The following ATE1 variants were observed in gnomAD, a reference collection of about 807,000 sequenced individuals.
ATE1 encodes the protein arginyltransferase 1, also known as arginyl-tRNA--protein transferase 1.
In ATE1, 36 loss-of-function variants were observed where a neutral mutation model predicts 70.5. The observed-to-expected ratio is 0.51, with a 90% CI of 0.39 to 0.67. ATE1 has a LOEUF of 0.67. ATE1 is among the 30% of genes least tolerant of loss of function. ATE1 has a pLI of 0.00. For missense variants in ATE1, 593 were observed against 629.5 expected (o/e 0.94, Z 0.62); for synonymous variants, 232 against 219.3 (o/e 1.06, Z -0.51).
intron 11 of ATE1, among the ~76,000 whole-genome samples, chr10:121,785,652 C>G (rs1946174552): frequency 6.6e-6 from 1 of 152,150 alleles, no homozygotes; most frequent in African/African-American, 2.4e-5. Context: ...AGATTAGAAC[C>G]TCAGAGTTTC....
At chr10:121,893,423 T>C (rs910481796) in intron 7 of ATE1, among the ~76,000 whole-genome samples, 7 of 152,132 alleles carry the variant, frequency 4.6e-5, no homozygotes, top group African/African-American at 1.7e-4. Context: ...TTTGAATCCA[T>C]AGAACAAATG....
At chr10:121,755,953 C>T (rs938623954) in intron 11 of ATE1, among the ~76,000 whole-genome samples, 25 of 152,136 alleles carry the variant, frequency 1.6e-4, no homozygotes, top group African/African-American at 6.0e-4. Flanking sequence ...CAACAGTCCC[C>T]CAACATCTCA....
intron 11 of ATE1, among the ~76,000 whole-genome samples, chr10:121,754,959 T>G (rs555401082): frequency 6.6e-6 from 1 of 152,160 alleles, no homozygotes; most frequent in South Asian, 2.1e-4. Context: ...AAAGAAATAC[T>G]TGATGAACAC....
Position 121,743,591 on chromosome 10 carries a change from G to A in ATE1, c.*89C>T, listed in dbSNP as rs1944216467. On this transcript the variant is annotated 3_prime_UTR_variant, in exon 12 of 12. Coordinates refer to ENST00000224652, the MANE Select transcript of ATE1 (RefSeq NM_001001976.3). The stretch of plus-strand genomic sequence containing the variant: ...ATAAAAAATGTCTAATTTGTGGGTG[G>A]TGACAGTTATTTCCCCACAGGTACT... 1.6e-5 allele frequency: 22 copies of A among 1,409,562 alleles called. No homozygotes were observed. Among genetic ancestry groups the A allele is most frequent in the Non-Finnish European group, 2.0e-5 (22 of 1,084,066 alleles). The allele number at this position is 1,409,562 out of a possible 1,614,324, so 87.3% of individuals were successfully genotyped here. A position where few individuals can be genotyped will look rare whatever the true frequency, so the allele number is the denominator to read the frequency against.
In ATE1 at chr10:121,892,385, G is replaced by A. The variant is rs1489008771; in HGVS notation, c.942+7481C>T. Among the ~76,000 whole-genome samples the A allele has an allele frequency of 2.6e-5, 4 of 152,154 alleles. No individual in the cohort carries two copies. The South Asian group carries it at 6.2e-4, about 24-fold the overall frequency. ...GTCATTCAAAGAGAGCACAAGAGTG[G>A]CAGAAAGATTTGGGGGAGAAGGGAG... On this transcript the variant is annotated intron_variant, in intron 7 of 11. Transcript: ENST00000224652.
intron 11 of ATE1, among the ~76,000 whole-genome samples, chr10:121,770,197 C>T (rs1178875874): frequency 7.1e-6 from 1 of 141,320 alleles, no homozygotes; most frequent in African/African-American, 2.6e-5. Flanking sequence ...AAGGCATGAA[C>T]TACTGATACA....
chr10:121,873,417 C>T (rs1270284212), intron 7 of ATE1, among the ~76,000 whole-genome samples: 1 of 152,106 alleles, frequency 6.6e-6, no homozygotes, highest in Non-Finnish European at 1.5e-5. Flanking sequence ...TTCTCATTTA[C>T]CAAGCCTGGT....
chr10:121,842,228 C>CA (rs1948657639), intron 8 of ATE1, among the ~76,000 whole-genome samples: 1 of 152,104 alleles, frequency 6.6e-6, no homozygotes, highest in African/African-American at 2.4e-5. Context: ...AGAATATAAC[C>CA]ATCTTCCTGT....
intron 11 of ATE1, among the ~76,000 whole-genome samples, chr10:121,777,268 T>C (rs1945787072): frequency 6.6e-6 from 1 of 152,218 alleles, no homozygotes; most frequent in Non-Finnish European, 1.5e-5. Flanking sequence ...TATACAGCAA[T>C]GGTCAAGTAT....
chr10:121,744,706 T>C (rs1200137096), intron 11 of ATE1, among the ~76,000 whole-genome samples: 1 of 152,196 alleles, frequency 6.6e-6, no homozygotes, highest in Admixed American at 6.5e-5. Context: ...TGGCTGCCAC[T>C]ATCTGTCCTT....
intron 1 of ATE1, chr10:121,926,646 CTT>C (rs1464636425): frequency 1.1e-5 from 9 of 842,746 alleles, no homozygotes; most frequent in Admixed American, 1.2e-4. Flanking sequence ...TTTAATGTAA[CTT>C]ATTGATTTGA....
At chr10:121,836,586 G>A (rs1948441294) in intron 10 of ATE1, 132 bp downstream of exon 10, 2 of 554,136 alleles carry the variant, frequency 3.6e-6, no homozygotes, top group Admixed American at 3.8e-5. Flanking sequence ...AATTTCTGAG[G>A]CAGCAAAGAG....
At chr10:121,831,267 C>T (rs1383053637) in intron 10 of ATE1, among the ~76,000 whole-genome samples, 1 of 152,202 alleles carries the variant, frequency 6.6e-6, no homozygotes, top group African/African-American at 2.4e-5. Flanking sequence ...GCACTACACA[C>T]ATACGTTTAT....
chr10:121,810,550 G>A (rs564527283), intron 10 of ATE1, among the ~76,000 whole-genome samples: 2 of 152,174 alleles, frequency 1.3e-5, no homozygotes, highest in East Asian at 1.9e-4. Flanking sequence ...GATTACAGGC[G>A]TGAGACACCG....
intron 10 of ATE1, among the ~76,000 whole-genome samples, chr10:121,805,254 TAAAC>T (rs992015643): frequency 9.2e-5 from 14 of 152,212 alleles, no homozygotes; most frequent in East Asian, 1.9e-4. Flanking sequence ...AATAAAATAA[TAAAC>T]AAACGTTTAA....
chr10:121,757,060 T>G (rs1944835718), intron 11 of ATE1, among the ~76,000 whole-genome samples: 1 of 152,186 alleles, frequency 6.6e-6, no homozygotes. Flanking sequence ...AGCACCCAAG[T>G]CACCTCTTCA....
chr10:121,795,216 C>T (rs1289633814), intron 10 of ATE1, among the ~76,000 whole-genome samples: 1 of 152,076 alleles, frequency 6.6e-6, no homozygotes, highest in Non-Finnish European at 1.5e-5. Context: ...CCTCTGCACT[C>T]CAGCCTGGGC....
intron 7 of ATE1, among the ~76,000 whole-genome samples, chr10:121,898,068 C>T (rs57582868): frequency 0.014 from 2,080 of 152,212 alleles, 40 homozygotes; most frequent in African/African-American, 0.048. Context: ...TCTAATTCTT[C>T]TGCATCTGTT....
intron 10 of ATE1, among the ~76,000 whole-genome samples, chr10:121,822,581 G>A (rs76252899): frequency 0.015 from 2,229 of 152,240 alleles, 46 homozygotes; most frequent in African/African-American, 0.051. Context: ...TAAGAGACAC[G>A]AATTCACAGA....
Sources: gnomAD v4.1 joint callset for allele counts (sites outside exome capture counted in the v4.1 genomes callset) on GRCh38, gnomAD v4.1.1 for gene constraint, MANE v1.5 for transcripts, NCBI Gene and HGNC (gene_info 2026-07-23, HGNC 2026-07-21) for gene names.